The following ZXDC variants were observed in gnomAD, a reference collection of about 807,000 sequenced individuals.
The protein encoded by ZXDC is ZXD family zinc finger C.
A neutral mutation model predicts 63.6 loss-of-function variants in ZXDC; 58 were observed. That is an observed-to-expected ratio of 0.91 (90% confidence interval 0.74 to 1.13). The LOEUF is 1.13. Ranked by LOEUF, ZXDC falls within the 50% of genes most tolerant of loss-of-function variation. The pLI, the probability that ZXDC is intolerant of heterozygous loss-of-function variation, is 0.00. For missense variants in ZXDC, 1,133 were observed against 1,148.9 expected, an observed-to-expected ratio of 0.99 and a Z score of 0.20; for synonymous variants, 561 against 496.1, an observed-to-expected ratio of 1.13 and a Z score of -1.74.
intron 7 of ZXDC, chr3:126,454,705 T>G (rs1328827958): frequency 1.0e-6 from 1 of 985,344 alleles, no homozygotes; most frequent in Non-Finnish European, 1.2e-6. Context: ...GCACCACACT[T>G]TCTTTCCCTT....
intron 7 of ZXDC, among the ~76,000 whole-genome samples, chr3:126,456,326 G>A (rs1275735299): frequency 1.3e-5 from 2 of 152,242 alleles, no homozygotes; most frequent in East Asian, 3.9e-4. Context: ...GGTGCCCTGG[G>A]CCACTTCCAC....
Position 126,459,699 on chromosome 3 carries a change from A to G in ZXDC, c.2166T>C (p.Ile722=). The G allele has an allele frequency of 6.2e-7, 1 of 1,614,154 alleles. No homozygotes were observed. The highest frequency in any genetic ancestry group is 8.5e-7 in the Non-Finnish European group (1 of 1,180,022). Residue 722 remains isoleucine (I), a synonymous_variant, in exon 7 of 10, where the codon ATT becomes ATC. Coordinates refer to ENST00000389709, the MANE Select transcript of ZXDC (RefSeq NM_025112.5). ...TCTGCTTTTTTTCCTTGGCTAGTTGAATGGCTCGGTAATCAGTTCTTGCTG... is the reference window on the plus strand; with the variant it reads ...TCTGCTTTTTTTCCTTGGCTAGTTGGATGGCTCGGTAATCAGTTCTTGCTG... ...GGSARTDYRA[I]QLAKEKKQRG...
At chr3:126,438,559 G>T in intron 9 of ZXDC, 98 bp from the exon 10 acceptor site, 1 of 1,043,840 alleles carries the variant, frequency 9.6e-7, no homozygotes, top group Non-Finnish European at 1.4e-6. Context: ...CCCGTGGTGA[G>T]ATACCTGACT....
At chr3:126,440,126 T>G in intron 8 of ZXDC, 1 of 1,020,816 alleles carries the variant, frequency 9.8e-7, no homozygotes, top group Non-Finnish European at 1.2e-6. Context: ...CAGAGGGCCT[T>G]CCCTGCATGC....
intron 7 of ZXDC, among the ~76,000 whole-genome samples, chr3:126,445,638 A>T (rs1173666977): frequency 1.3e-5 from 2 of 151,802 alleles, no homozygotes; most frequent in East Asian, 3.9e-4. Context: ...CCTGCCACAG[A>T]TGAGCTCGGA....
Position 126,459,686 on chromosome 3 carries a change from C to A in ZXDC, c.2179G>T (p.Glu727Ter), listed in dbSNP as rs367847051. Residue 727 changes from glutamate to a stop codon, truncating the protein, a stop_gained, in exon 7 of 10, where the codon GAA (glutamate) becomes TAA (stop). Transcript: ENST00000389709. LOFTEE classifies it high-confidence loss of function. ...TDYRAIQLAK[E>*]KKQRGAGSNA... Reference sequence around the variant, plus strand: ...CTCCCCGCTCCTCTCTGCTTTTTTTCCTTGGCTAGTTGAATGGCTCGGTAA... The same window carrying A: ...CTCCCCGCTCCTCTCTGCTTTTTTTACTTGGCTAGTTGAATGGCTCGGTAA... 89 of 1,614,038 alleles carry A rather than the reference C, an allele frequency of 5.5e-5. 1 individual carries two copies. The highest frequency in any genetic ancestry group is 6.9e-5 in the Non-Finnish European group (82 of 1,180,024).
intron 7 of ZXDC, chr3:126,452,895 C>G (rs983083634): frequency 2.3e-6 from 1 of 425,630 alleles, no homozygotes; most frequent in South Asian, 9.9e-5. Flanking sequence ...TGCACCACCA[C>G]GCGTGGCTAA....
intron 7 of ZXDC, chr3:126,453,850 C>T (rs1576671961): frequency 1.0e-6 from 1 of 985,236 alleles, no homozygotes; most frequent in East Asian, 1.1e-4. Flanking sequence ...CAGGCATGAG[C>T]CACCGCGCCC....
chr3:126,445,414 A>G (rs10934777), intron 7 of ZXDC, among the ~76,000 whole-genome samples: 137,533 of 151,786 alleles, frequency 0.91, 62,750 homozygotes, highest in East Asian at 0.99. Context: ...GTAAGCTGGC[A>G]AGCCCGGCTC....
chr3:126,469,122 G>C (rs708906), intron 4 of ZXDC, among the ~76,000 whole-genome samples: 76,478 of 152,006 alleles, frequency 0.5, 21,252 homozygotes, highest in Non-Finnish European at 0.62. Context: ...GTTTGTCCGA[G>C]GCCCCAGACC....
At chr3:126,456,965 C>G (rs1934330614) in intron 7 of ZXDC, among the ~76,000 whole-genome samples, 1 of 152,206 alleles carries the variant, frequency 6.6e-6, no homozygotes, top group South Asian at 2.1e-4. Context: ...CTCCAGCAAC[C>G]CAGCCCGGGT....
At chr3:126,467,125 C>T (rs1934800354) in intron 4 of ZXDC, among the ~76,000 whole-genome samples, 1 of 152,144 alleles carries the variant, frequency 6.6e-6, no homozygotes, top group African/African-American at 2.4e-5. Context: ...GGAAACCACA[C>T]ACCTCCCGAG....
intron 4 of ZXDC, among the ~76,000 whole-genome samples, chr3:126,470,221 C>T (rs1354093869): frequency 6.6e-6 from 1 of 152,234 alleles, no homozygotes; most frequent in Admixed American, 6.5e-5. Context: ...AATCCCAGCA[C>T]TTTGGGAGGC....
At chr3:126,471,720 GTTTTT>G (rs961180236) in intron 3 of ZXDC, among the ~76,000 whole-genome samples, 3 of 146,772 alleles carry the variant, frequency 2.0e-5, no homozygotes, top group African/African-American at 7.5e-5. Flanking sequence ...ACCTGGAATT[GTTTTT>G]TTTTTAAGAA....
chr3:126,441,147 G>C, intron 8 of ZXDC: 1 of 985,662 alleles, frequency 1.0e-6, no homozygotes, highest in Non-Finnish European at 1.2e-6. Context: ...GGTGTGCTCA[G>C]GGCTGCTGAA....
intron 1 of ZXDC, among the ~76,000 whole-genome samples, chr3:126,474,445 G>A (rs778445233): frequency 6.6e-6 from 1 of 152,116 alleles, no homozygotes; most frequent in African/African-American, 2.4e-5. Context: ...TTCACAGACG[G>A]CTAATTTTTA....
rs1576676403 is a variant in ZXDC at position 126,458,240 on chromosome 3, T to A, written c.2212+1413A>T. Reference sequence around the variant, plus strand: ...ATAATTTTTTTTAATGTCCTTACTTTTTTTTTTTTTTTTTGAAATGGAGTC... The same window carrying A: ...ATAATTTTTTTTAATGTCCTTACTTATTTTTTTTTTTTTTGAAATGGAGTC... On this transcript the variant is annotated intron_variant, in intron 7 of 9. Coordinates refer to ENST00000389709, the MANE Select transcript of ZXDC (RefSeq NM_025112.5). 2.7e-5 allele frequency among the ~76,000 whole-genome samples: 4 copies of A among 146,420 alleles called. No individual in the cohort carries two copies. In the South Asian group the frequency reaches 8.5e-4, roughly 31 times the overall value.
At chr3:126,472,901 G>A (rs1389575679) in intron 1 of ZXDC, among the ~76,000 whole-genome samples, 2 of 152,150 alleles carry the variant, frequency 1.3e-5, no homozygotes, top group Non-Finnish European at 2.9e-5. Context: ...AAGCAGCTAA[G>A]CCTCAACAAT....
At position 126,438,111 on chromosome 3, in the gene ZXDC, G is replaced by A; in HGVS notation, c.*264C>T. 1 of 537,626 alleles carries A rather than the reference G, an allele frequency of 1.9e-6. No individual in the cohort carries two copies. Among genetic ancestry groups the A allele is most frequent in the Non-Finnish European group, 3.4e-6 (1 of 297,952 alleles). The allele number at this position is 537,626 out of a possible 1,614,324, so 33.3% of individuals were successfully genotyped here. ...CCAACGGGACACGGGGAAAGAGGCT[G>A]TAGTGCACCTAGCCCTGCTGAGGGA... is the stretch of plus-strand genomic sequence containing the variant. On this transcript the variant is annotated 3_prime_UTR_variant, in exon 10 of 10. Coordinates refer to ENST00000389709, the MANE Select transcript of ZXDC (RefSeq NM_025112.5).
Sources: gnomAD v4.1 joint callset for allele counts (sites outside exome capture counted in the v4.1 genomes callset) on GRCh38, gnomAD v4.1.1 for gene constraint, MANE v1.5 for transcripts, NCBI Gene and HGNC (gene_info 2026-07-23, HGNC 2026-07-21) for gene names.